Variants in SNX13 observed in about 807,000 individuals in gnomAD.
The protein encoded by SNX13 is sorting nexin 13.
A neutral mutation model predicts 133.6 loss-of-function variants in SNX13; 45 were observed. The observed-to-expected ratio is 0.34, with a 90% CI of 0.27 to 0.43. SNX13 has a LOEUF of 0.43. SNX13 is among the 20% of genes least tolerant of loss of function. The pLI is 1.00. For synonymous variants in SNX13, 414 were observed against 373.9 expected (o/e 1.11, Z -1.24); for missense variants, 1,032 against 1,145.1 (o/e 0.90, Z 1.43).
chr7:17,912,182 G>A (rs1488800889), intron 1 of SNX13, among the ~76,000 whole-genome samples: 2 of 152,164 alleles, frequency 1.3e-5, no homozygotes, highest in Non-Finnish European at 2.9e-5. Flanking sequence ...CAGCCCCAGG[G>A]ACAGCATTTG....
chr7:17,827,585 C>T (rs1426452186), intron 16 of SNX13, among the ~76,000 whole-genome samples: 2 of 151,856 alleles, frequency 1.3e-5, no homozygotes, highest in African/African-American at 4.8e-5. Context: ...CACAAGACTT[C>T]CCTGGTCAAC....
intron 5 of SNX13, among the ~76,000 whole-genome samples, chr7:17,884,767 A>G (rs1795789175): frequency 6.6e-6 from 1 of 152,218 alleles, no homozygotes; most frequent in African/African-American, 2.4e-5. Flanking sequence ...GCACATGAAA[A>G]GATGCTCGAT....
chr7:17,868,410 C>T lies in SNX13; in HGVS notation c.834G>A (p.Trp278Ter), dbSNP rs191776642. Residue 278 changes from tryptophan (W) to a stop codon, truncating the protein, a stop_gained, in exon 9 of 26, where the codon TGG becomes TGA. Transcript: ENST00000428135. LOFTEE classifies it high-confidence loss of function. ...TGTAATTTTAAAAGGCACCTACCATCCATATGACATACTGATTAATATAAT... is the reference window on the plus strand; with the variant it reads ...TGTAATTTTAAAAGGCACCTACCATTCATATGACATACTGATTAATATAAT... ...DPDYINQYVI[W>*]MIRDSNCNYE... The T allele has an allele frequency of 6.3e-7, 1 of 1,598,724 alleles. No individual in the cohort carries two copies. The highest frequency in any genetic ancestry group is 8.5e-7 in the Non-Finnish European group (1 of 1,170,974).
chr7:17,846,046 G>T (rs747531984), intron 11 of SNX13, among the ~76,000 whole-genome samples: 1 of 151,998 alleles, frequency 6.6e-6, no homozygotes, highest in East Asian at 1.9e-4. Context: ...ATATACGCAA[G>T]AATTTTAAAA....
chr7:17,860,407 A>G (rs978860774), intron 9 of SNX13, among the ~76,000 whole-genome samples: 2 of 152,158 alleles, frequency 1.3e-5, no homozygotes, highest in African/African-American at 4.8e-5. Flanking sequence ...TATGGCTTGC[A>G]AATATTTTCT....
At chr7:17,875,451 T>C (rs1408908579) in intron 7 of SNX13, 29 bp downstream of exon 7, 6 of 1,582,312 alleles carry the variant, frequency 3.8e-6, no homozygotes, top group African/African-American at 2.7e-5. Flanking sequence ...CCAGCTACTA[T>C]TGTCAAAAAA....
intron 5 of SNX13, among the ~76,000 whole-genome samples, chr7:17,883,981 A>G (rs1188463099): frequency 6.6e-6 from 1 of 152,200 alleles, no homozygotes; most frequent in East Asian, 1.9e-4. Flanking sequence ...TTTGTGCTAC[A>G]ATGGCAGAAT....
chr7:17,814,895 T>C lies in SNX13; in HGVS notation c.2003A>G (p.Tyr668Cys), dbSNP rs747519719. The C allele has an allele frequency of 1.2e-5, 18 of 1,540,686 alleles. No homozygotes were observed. Among genetic ancestry groups the C allele is most frequent in the Admixed American group, 2.2e-5 (1 of 45,442 alleles). Residue 668 changes from tyrosine to cysteine, a missense_variant, in exon 20 of 26, where the codon TAT (tyrosine) becomes TGT (cysteine). Transcript: ENST00000428135. ...MMKASPALAH[Y>C]VYDFLENKAY... ...TTTGTTCTCAAGGAAATCATACACA[T>C]AGTGAGCTAAAGCGGGGGATGCCTT...
chr7:17,818,725 T>A (rs770675298), intron 18 of SNX13, among the ~76,000 whole-genome samples: 5 of 152,160 alleles, frequency 3.3e-5, no homozygotes, highest in Admixed American at 6.5e-5. Flanking sequence ...ATACTACACA[T>A]AAATCATGGA....
At chr7:17,857,171 C>A (rs1332736442) in intron 9 of SNX13, among the ~76,000 whole-genome samples, 1 of 152,062 alleles carries the variant, frequency 6.6e-6, no homozygotes, top group East Asian at 1.9e-4. Flanking sequence ...CATAAAATTA[C>A]CAGCAATAAA....
At position 17,921,463 on chromosome 7, in the gene SNX13, C is replaced by G. The variant is rs370629240; in HGVS notation, c.12+18821G>C. 6.2e-4 allele frequency among the ~76,000 whole-genome samples: 94 copies of G among 152,236 alleles called. 2 individuals are homozygous for G. In the South Asian group the frequency reaches 0.015, roughly 24 times the overall value. ...GTCAAAACAAACACTTCCATATCCC[C>G]GACAACTTCACTATTTTTGCTTCAA... On this transcript the variant is annotated intron_variant, in intron 1 of 25. Coordinates refer to ENST00000428135, the MANE Select transcript of SNX13 (RefSeq NM_015132.5).
At position 17,803,399 on chromosome 7, in the gene SNX13, T is replaced by A. The variant is rs1049858387; in HGVS notation, c.2226+20A>T. 1.3e-6 allele frequency: 2 copies of A among 1,589,802 alleles called. No homozygotes were observed. Among genetic ancestry groups the A allele is most frequent in the Non-Finnish European group, 1.7e-6 (2 of 1,167,290 alleles). On this transcript the variant is annotated intron_variant, in intron 21 of 25. Transcript: ENST00000428135. ...CTTAAAAATAGTTTGCTTTAGACAT[T>A]ACTGAAAATGTCTTCTTACCTTAAA...
intron 17 of SNX13, among the ~76,000 whole-genome samples, chr7:17,822,981 C>A (rs1272989908): frequency 6.6e-6 from 1 of 152,120 alleles, no homozygotes; most frequent in Non-Finnish European, 1.5e-5. Flanking sequence ...TGATGGTAGG[C>A]TGTTTTCCTA....
At chr7:17,826,143 AAG>A in intron 16 of SNX13, 52 bp from the exon 17 acceptor site, 1 of 1,200,794 alleles carries the variant, frequency 8.3e-7, no homozygotes, top group South Asian at 1.4e-5. Context: ...AGGGAAAAAA[AAG>A]AGTAAAGAAT....
At chr7:17,801,545 G>T in intron 22 of SNX13, 43 bp downstream of exon 22, 11 of 1,469,662 alleles carry the variant, frequency 7.5e-6, no homozygotes, top group Non-Finnish European at 1.0e-5. Flanking sequence ...GATATGCCAA[G>T]TATGACTTAA....
At chr7:17,813,112 T>TA (rs1230442073) in intron 20 of SNX13, among the ~76,000 whole-genome samples, 1 of 151,820 alleles carries the variant, frequency 6.6e-6, no homozygotes, top group Non-Finnish European at 1.5e-5. Flanking sequence ...ACTTAAAGTA[T>TA]AAAAAATAAA....
chr7:17,885,992 T>G (rs952273930), intron 5 of SNX13, among the ~76,000 whole-genome samples: 5 of 152,182 alleles, frequency 3.3e-5, no homozygotes, highest in Non-Finnish European at 7.4e-5. Flanking sequence ...TAGCAAAGAA[T>G]ATAAAATGGT....
At chr7:17,917,711 G>A (rs1344064984) in intron 1 of SNX13, among the ~76,000 whole-genome samples, 1 of 151,610 alleles carries the variant, frequency 6.6e-6, no homozygotes, top group Non-Finnish European at 1.5e-5. Context: ...CTGTTAAAAC[G>A]GCCATAGTGC....
At chr7:17,815,089 G>C (rs1786510849) in intron 19 of SNX13, 145 bp from the exon 20 acceptor site, 1 of 873,254 alleles carries the variant, frequency 1.1e-6, no homozygotes, top group Non-Finnish European at 1.6e-6. Flanking sequence ...CAATTATACA[G>C]TTAGGATAAA....
Sources: gnomAD v4.1 joint callset for allele counts (sites outside exome capture counted in the v4.1 genomes callset) on GRCh38, gnomAD v4.1.1 for gene constraint, MANE v1.5 for transcripts, NCBI Gene and HGNC (gene_info 2026-07-23, HGNC 2026-07-21) for gene names.